DSC1: variants seen among roughly 807,000 people sequenced by gnomAD.
DSC1 encodes desmocollin 1.
A neutral mutation model predicts 98.8 loss-of-function variants in DSC1; 79 were observed. That is an observed-to-expected ratio of 0.80 (90% CI 0.67 to 0.96). The LOEUF (loss-of-function observed/expected upper bound fraction) is 0.96, where lower values mean the gene tolerates loss of function less well. Among genes scored for constraint, DSC1 ranks in the 50% least tolerant of loss-of-function variants. The pLI, the probability that DSC1 is intolerant of heterozygous loss-of-function variation, is 0.00. For missense variants in DSC1, 1,115 were observed against 1,075.9 expected (o/e 1.04, Z -0.51); for synonymous variants, 405 against 372.1 (o/e 1.09, Z -1.02).
Position 31,130,688 on chromosome 18 carries a change from A to C in DSC1, c.2511T>G (p.Asp837Glu), listed in dbSNP as rs1988468262. 2 of 1,613,994 alleles carry C rather than the reference A, an allele frequency of 1.2e-6. No homozygotes were observed. The change falls in exon 16 of 16, where the codon GAT (aspartate) becomes GAG (glutamate). Residue 837 changes from aspartate (D) to glutamate (E), a missense_variant. Physicochemically the swap from Asp to Glu is conservative, Grantham distance 45. Transcript: ENST00000257198. ...AGTCTTCACAATGTTTATGCTCCTCATCTTGTCCACACAAATACACCTTCT... is the reference window on the plus strand; with the variant it reads ...AGTCTTCACAATGTTTATGCTCCTCCTCTTGTCCACACAAATACACCTTCT... Reference protein sequence around the residue: ...LGEKVYLCGQDEEHKHCEDYV... With the variant: ...LGEKVYLCGQEEEHKHCEDYV...
intron 11 of DSC1, among the ~76,000 whole-genome samples, chr18:31,135,300 T>C (rs1208385565): frequency 6.6e-6 from 1 of 152,172 alleles, no homozygotes; most frequent in Non-Finnish European, 1.5e-5. Flanking sequence ...AGCACACTAT[T>C]ATCTTCAAGA....
intron 11 of DSC1, among the ~76,000 whole-genome samples, chr18:31,135,313 C>T (rs1285452348): frequency 1.3e-5 from 2 of 152,142 alleles, no homozygotes; most frequent in Non-Finnish European, 2.9e-5. Flanking sequence ...CTTCAAGAAT[C>T]TACTTAAATG....
chr18:31,129,892 A>T lies in DSC1; in HGVS notation c.*622T>A, dbSNP rs1598609983. 6.6e-6 allele frequency: 1 copy of T among 152,402 alleles called. No individual in the cohort carries two copies. The highest frequency in any genetic ancestry group is 1.9e-4 in the East Asian group (1 of 5,176). The allele number at this position is 152,402 out of a possible 1,614,324, so 9.4% of individuals were successfully genotyped here. On this transcript the variant is annotated 3_prime_UTR_variant, in exon 16 of 16. Coordinates refer to ENST00000257198, the MANE Select transcript of DSC1 (RefSeq NM_024421.2). ...AGAAGTTGGAGTGACCTAACAACAA[A>T]TCCACATGGGCAGAGGTCCAGGGAC...
At chr18:31,138,138 T>C (rs1185671800) in intron 11 of DSC1, among the ~76,000 whole-genome samples, 1 of 152,146 alleles carries the variant, frequency 6.6e-6, no homozygotes, top group Non-Finnish European at 1.5e-5. Flanking sequence ...TGTAGATTTG[T>C]TAAAGTTTGC....
At chr18:31,136,836 G>T (rs780844886) in intron 11 of DSC1, among the ~76,000 whole-genome samples, 5 of 152,142 alleles carry the variant, frequency 3.3e-5, no homozygotes, top group Non-Finnish European at 5.9e-5. Flanking sequence ...ATTACAAGAG[G>T]TTGATGGTAA....
intron 5 of DSC1, among the ~76,000 whole-genome samples, chr18:31,154,235 T>C (rs1989051449): frequency 6.7e-6 from 1 of 149,508 alleles, no homozygotes; most frequent in East Asian, 2.0e-4. Flanking sequence ...AAAATGGTAC[T>C]AAGGGATCTC....
chr18:31,139,819 T>G lies in DSC1; in HGVS notation c.1592A>C (p.Lys531Thr). The G allele has an allele frequency of 6.8e-6, 11 of 1,612,456 alleles. No individual in the cohort carries two copies. The highest frequency in any genetic ancestry group is 9.3e-6 in the Non-Finnish European group (11 of 1,179,386). Residue 531 changes from lysine to threonine, a missense_variant, in exon 11 of 16, where the codon AAA becomes ACA. By Grantham distance (78) the Lys-to-Thr change is moderately conservative. Coordinates refer to ENST00000257198, the MANE Select transcript of DSC1 (RefSeq NM_024421.2). ...AAATTTGGATTCTCTATCTAGTACTTTTAGAGTTCTCAAGTCGCCAGTGTG... is the reference window on the plus strand; with the variant it reads ...AAATTTGGATTCTCTATCTAGTACTGTTAGAGTTCTCAAGTCGCCAGTGTG... ...NQHTGDLRTL[K>T]VLDRESKFVK...
intron 8 of DSC1, among the ~76,000 whole-genome samples, chr18:31,143,376 AAAAAT>A (rs776929950): frequency 1.1e-5 from 1 of 89,534 alleles, no homozygotes; most frequent in African/African-American, 4.7e-5. Flanking sequence ...TTAACACCAA[AAAAAT>A]AAAATAAAAT....
chr18:31,132,758 C>T (rs1988524140), intron 13 of DSC1, 69 bp from the exon 14 acceptor site: 1 of 1,438,774 alleles, frequency 7.0e-7, no homozygotes, highest in African/African-American at 1.5e-5. Flanking sequence ...TTTTTAAAGT[C>T]TTCTTGCATA....
At chr18:31,152,169 C>CAAAAA (rs147500839) in intron 5 of DSC1, among the ~76,000 whole-genome samples, 1 of 150,220 alleles carries the variant, frequency 6.7e-6, no homozygotes, top group African/African-American at 2.5e-5. Context: ...ATCAAAAAAA[C>CAAAAA]AACAAAAAAA....
chr18:31,133,283 G>A (rs1988535799), intron 13 of DSC1, among the ~76,000 whole-genome samples: 1 of 151,948 alleles, frequency 6.6e-6, no homozygotes, highest in African/African-American at 2.4e-5. Context: ...AGAGAAAAAG[G>A]CAGTCTTAAT....
At position 31,130,605 on chromosome 18, in the gene DSC1, C is replaced by T; in HGVS notation, c.2594G>A (p.Cys865Tyr). 6.2e-7 allele frequency: 1 copy of T among 1,614,158 alleles called. No homozygotes were observed. Among genetic ancestry groups the T allele is most frequent in the South Asian group, 1.1e-5 (1 of 91,080 alleles). ...TCCCTCTTCTTCCTGCCGATCGCTG[C>T]AGCAACCTACTGAGCCGGCCAGAGA... Reference protein sequence around the residue: ...KGSLAGSVGCCSDRQEEEGLE... With the variant: ...KGSLAGSVGCYSDRQEEEGLE... The change falls in exon 16 of 16, where the codon TGC becomes TAC. Residue 865 changes from cysteine to tyrosine, a missense_variant. Cys to Tyr is a radical substitution (Grantham distance 194, BLOSUM62 -2). Coordinates refer to ENST00000257198, the MANE Select transcript of DSC1 (RefSeq NM_024421.2).
intron 9 of DSC1, among the ~76,000 whole-genome samples, chr18:31,141,188 G>T (rs1988727337): frequency 6.6e-6 from 1 of 151,430 alleles, no homozygotes; most frequent in Non-Finnish European, 1.5e-5. Context: ...TAGTTAGAAA[G>T]AATCCTAAAA....
At chr18:31,147,309 C>T (rs1381533717) in intron 6 of DSC1, among the ~76,000 whole-genome samples, 1 of 151,958 alleles carries the variant, frequency 6.6e-6, no homozygotes, top group East Asian at 1.9e-4. Flanking sequence ...TTCATAAACG[C>T]ACCTGTGACA....
chr18:31,131,754 G>A lies in DSC1; in HGVS notation c.2327C>T (p.Thr776Ile). ...TTTGACCATCTCAAAACTTTGCTGT[G>A]TTTTGATTCCCTGGCCACCAACAGT... is the stretch of plus-strand genomic sequence containing the variant. ...VGTVGGQGIK[T>I]QQSFEMVKGG... Residue 776 changes from threonine to isoleucine, a missense_variant, in exon 15 of 16, where the codon ACA becomes ATA. Transcript: ENST00000257198. 1 of 1,614,070 alleles carries A rather than the reference G, an allele frequency of 6.2e-7. No individual in the cohort carries two copies. Among genetic ancestry groups the A allele is most frequent in the Admixed American group, 1.7e-5 (1 of 60,010 alleles).
intron 5 of DSC1, among the ~76,000 whole-genome samples, chr18:31,148,958 G>A (rs1467760383): frequency 1.3e-5 from 2 of 152,036 alleles, no homozygotes; most frequent in Non-Finnish European, 2.9e-5. Flanking sequence ...TCATTAACAC[G>A]TGTTTTTAAA....
Position 31,157,579 on chromosome 18 carries a change from G to A in DSC1, c.149-6C>T, listed in dbSNP as rs748443437. 1.2e-6 allele frequency: 2 copies of A among 1,613,960 alleles called. No individual in the cohort carries two copies. The highest frequency in any genetic ancestry group is 2.2e-5 in the East Asian group (1 of 44,882). On this transcript the variant is annotated splice_region_variant and splice_polypyrimidine_tract_variant and intron_variant, in intron 2 of 15. Coordinates refer to ENST00000257198, the MANE Select transcript of DSC1 (RefSeq NM_024421.2). ...GAGACACTCCTCCAGATTCACTGCAGGGAAGAAATATCACAGCAGTTTGTC... is the reference window on the plus strand; with the variant it reads ...GAGACACTCCTCCAGATTCACTGCAAGGAAGAAATATCACAGCAGTTTGTC...
At chr18:31,133,099 A>G (rs538136941) in intron 13 of DSC1, among the ~76,000 whole-genome samples, 4 of 152,314 alleles carry the variant, frequency 2.6e-5, no homozygotes, top group African/African-American at 9.6e-5. Context: ...AAAAATGTAC[A>G]TCAACTAATA....
chr18:31,130,614 A>T lies in DSC1; in HGVS notation c.2585T>A (p.Val862Glu), dbSNP rs1988465513. Residue 862 changes from valine to glutamate, a missense_variant, in exon 16 of 16, where the codon GTA becomes GAA. Transcript: ENST00000257198. Reference sequence around the variant, plus strand: ...TTCCTGCCGATCGCTGCAGCAACCTACTGAGCCGGCCAGAGAACCTTTGCC... The same window carrying T: ...TTCCTGCCGATCGCTGCAGCAACCTTCTGAGCCGGCCAGAGAACCTTTGCC... ...YEGKGSLAGS[V>E]GCCSDRQEEE... is the part of the protein sequence containing the mutation. The T allele has an allele frequency of 4.3e-6, 7 of 1,614,066 alleles. No homozygotes were observed. The South Asian group carries it at 5.5e-5, about 13-fold the overall frequency.
Sources: allele counts gnomAD v4.1 joint callset (sites outside exome capture counted in the v4.1 genomes callset), GRCh38; gene constraint gnomAD v4.1.1; transcripts MANE v1.5; gene names NCBI Gene and HGNC (gene_info 2026-07-23, HGNC 2026-07-21).